The following TM4SF4 variants were observed in gnomAD, a reference collection of about 807,000 sequenced individuals.
TM4SF4 encodes transmembrane 4 L6 family member 4.
Under a neutral mutation model 24.1 loss-of-function variants are expected in TM4SF4, and 24 were observed. That is an observed-to-expected ratio of 1.00 (90% confidence interval 0.72 to 1.40). TM4SF4 has a LOEUF of 1.40. TM4SF4 is among the 40% of genes most tolerant of loss of function. The probability of loss-of-function intolerance (pLI) is 0.00; values close to 1 mark genes in which losing one functional copy is unlikely to be tolerated. For synonymous variants in TM4SF4, 113 were observed against 97.0 expected (o/e 1.17, Z -0.97); for missense variants, 254 against 254.2 (o/e 1.00, Z 0.01).
chr3:149,478,787 T>A (rs1225921054), intron 2 of TM4SF4, among the ~76,000 whole-genome samples: 2 of 152,170 alleles, frequency 1.3e-5, no homozygotes, highest in African/African-American at 4.8e-5. Context: ...TGAGGCGAAG[T>A]CTCGCTCTTG....
intron 3 of TM4SF4, among the ~76,000 whole-genome samples, chr3:149,489,134 C>T (rs1241665491): frequency 1.3e-5 from 2 of 152,158 alleles, no homozygotes; most frequent in Non-Finnish European, 2.9e-5. Flanking sequence ...GTGTGAAAAG[C>T]CCTCTTATCA....
intron 3 of TM4SF4, among the ~76,000 whole-genome samples, chr3:149,490,659 C>T (rs899108545): frequency 3.9e-5 from 6 of 152,200 alleles, no homozygotes; most frequent in Non-Finnish European, 7.4e-5. Context: ...ATTCTACCTC[C>T]TACTCCTTTT....
intron 2 of TM4SF4, among the ~76,000 whole-genome samples, chr3:149,476,821 T>TG (rs1185811882): frequency 2.8e-4 from 39 of 140,130 alleles, no homozygotes; most frequent in African/African-American, 9.1e-4. Context: ...TTTGTTTTTT[T>TG]TTTTTTTTTT....
intron 1 of TM4SF4, among the ~76,000 whole-genome samples, chr3:149,475,274 A>C (rs1733907762): frequency 6.6e-6 from 1 of 152,200 alleles, no homozygotes; most frequent in Non-Finnish European, 1.5e-5. Context: ...GCTTGGGCTG[A>C]CAGTTCTCAT....
intron 2 of TM4SF4, among the ~76,000 whole-genome samples, chr3:149,480,517 G>A (rs1734016509): frequency 6.6e-6 from 1 of 152,120 alleles, no homozygotes; most frequent in Admixed American, 6.5e-5. Context: ...CTGTTTTGAA[G>A]AAAGGTCTTG....
chr3:149,477,508 T>C (rs1733953960), intron 2 of TM4SF4, among the ~76,000 whole-genome samples: 1 of 152,260 alleles, frequency 6.6e-6, no homozygotes. Flanking sequence ...TTAACATTTC[T>C]TTCTTAGCAT....
chr3:149,475,679 C>A, intron 1 of TM4SF4, 144 bp from the exon 2 acceptor site: 1 of 661,066 alleles, frequency 1.5e-6, no homozygotes, highest in Non-Finnish European at 2.7e-6. Flanking sequence ...ACTCCATTAC[C>A]CCTCCAGCCA....
chr3:149,496,293 T>A (rs1734308947), intron 3 of TM4SF4, among the ~76,000 whole-genome samples: 1 of 152,018 alleles, frequency 6.6e-6, no homozygotes, highest in African/African-American at 2.4e-5. Context: ...TACTGCACAC[T>A]TTGCCTCATG....
At chr3:149,480,360 T>G (rs995840363) in intron 2 of TM4SF4, among the ~76,000 whole-genome samples, 1 of 152,190 alleles carries the variant, frequency 6.6e-6, no homozygotes, top group Non-Finnish European at 1.5e-5. Flanking sequence ...ATCTTGGATT[T>G]GACTCAAAGG....
intron 4 of TM4SF4, among the ~76,000 whole-genome samples, chr3:149,499,368 A>G (rs924590487): frequency 2.0e-5 from 3 of 152,190 alleles, no homozygotes; most frequent in African/African-American, 7.2e-5. Context: ...ATTTGATATG[A>G]TTTCTGATAC....
chr3:149,496,063 C>A, intron 3 of TM4SF4: 1 of 194,276 alleles, frequency 5.1e-6, no homozygotes, highest in South Asian at 1.1e-4. Flanking sequence ...GAAGAATGAC[C>A]TCAGAACTGT....
At chr3:149,476,243 G>T (rs1733926394) in intron 2 of TM4SF4, among the ~76,000 whole-genome samples, 1 of 152,192 alleles carries the variant, frequency 6.6e-6, no homozygotes, top group Non-Finnish European at 1.5e-5. Flanking sequence ...CCACTGAGAG[G>T]CCATAAGAAC....
chr3:149,484,343 CAAG>C (rs996651334), intron 2 of TM4SF4, among the ~76,000 whole-genome samples: 70 of 151,954 alleles, frequency 4.6e-4, no homozygotes, highest in African/African-American at 1.6e-3. Flanking sequence ...CAATTATAAA[CAAG>C]AAGTGTGCTT....
chr3:149,497,398 G>C (rs1734329188), intron 3 of TM4SF4, among the ~76,000 whole-genome samples: 1 of 152,106 alleles, frequency 6.6e-6, no homozygotes, highest in Non-Finnish European at 1.5e-5. Context: ...GAAATCAAAA[G>C]CAAAATGTTC....
At chr3:149,476,363 T>A (rs1733928048) in intron 2 of TM4SF4, among the ~76,000 whole-genome samples, 1 of 152,232 alleles carries the variant, frequency 6.6e-6, no homozygotes, top group Non-Finnish European at 1.5e-5. Flanking sequence ...TCTAGGTTCC[T>A]CACTCACACC....
intron 4 of TM4SF4, among the ~76,000 whole-genome samples, chr3:149,499,346 T>A (rs910274544): frequency 3.3e-5 from 5 of 152,132 alleles, no homozygotes; most frequent in Non-Finnish European, 5.9e-5. Context: ...AACATACCAA[T>A]GCAAAACCTA....
In TM4SF4 at chr3:149,475,015, C is replaced by G; in HGVS notation, c.138C>G (p.Ile46Met). The G allele has an allele frequency of 6.2e-7, 1 of 1,613,716 alleles. No homozygotes were observed. The highest frequency in any genetic ancestry group is 8.5e-7 in the Non-Finnish European group (1 of 1,179,806). The change falls in exon 1 of 5, where the codon ATC becomes ATG. Residue 46 changes from isoleucine (I) to methionine (M), a missense_variant. Ile to Met is a conservative substitution (Grantham distance 10). Transcript: ENST00000305354. ...ACAACGACCACCTTTCCCAAGAGATCTGGTTTTTCGGAGGAATATTAGGAA... is the reference window on the plus strand; with the variant it reads ...ACAACGACCACCTTTCCCAAGAGATGTGGTTTTTCGGAGGAATATTAGGAA... ...IDDNDHLSQE[I>M]WFFGGILGSG...
chr3:149,485,495 A>C (rs896249433), intron 2 of TM4SF4, among the ~76,000 whole-genome samples: 5 of 152,262 alleles, frequency 3.3e-5, no homozygotes, highest in Non-Finnish European at 7.3e-5. Flanking sequence ...GCAACAAGTC[A>C]TTATCCAGTG....
intron 3 of TM4SF4, among the ~76,000 whole-genome samples, chr3:149,496,845 T>G (rs1369135937): frequency 1.3e-5 from 2 of 150,582 alleles, no homozygotes; most frequent in Non-Finnish European, 3.0e-5. Context: ...AATTGTGATG[T>G]GGTTCTTAGT....
Sources: allele counts gnomAD v4.1 joint callset (sites outside exome capture counted in the v4.1 genomes callset), GRCh38; gene constraint gnomAD v4.1.1; transcripts MANE v1.5; gene names NCBI Gene and HGNC (gene_info 2026-07-23, HGNC 2026-07-21).